The following CNTNAP5 variants were observed in gnomAD, a reference collection of about 807,000 sequenced individuals.
CNTNAP5 encodes contactin associated protein family member 5, also known as contactin-associated protein-like 5.
Under a neutral mutation model 150.2 loss-of-function variants are expected in CNTNAP5, and 72 were observed. The observed-to-expected ratio is 0.48, with a 90% CI of 0.40 to 0.58. The LOEUF is 0.58. CNTNAP5 is among the 20% of genes least tolerant of loss of function. The probability of loss-of-function intolerance (pLI) is 0.00; values close to 1 mark genes in which losing one functional copy is unlikely to be tolerated. For missense variants in CNTNAP5, 1,636 were observed against 1,626.2 expected, an observed-to-expected ratio of 1.01 and a Z score of -0.10; for synonymous variants, 672 against 619.8, an observed-to-expected ratio of 1.08 and a Z score of -1.25.
chr2:124,161,339 A>AGTGAG (rs1428207314), intron 1 of CNTNAP5, among the ~76,000 whole-genome samples: 2 of 152,080 alleles, frequency 1.3e-5, no homozygotes, highest in Non-Finnish European at 2.9e-5. Context: ...GGAGACTTGG[A>AGTGAG]GTGAGGTGAG....
chr2:124,222,597 G>A (rs1466607573), intron 2 of CNTNAP5, among the ~76,000 whole-genome samples: 3 of 152,060 alleles, frequency 2.0e-5, no homozygotes, highest in South Asian at 2.1e-4. Flanking sequence ...AGAGAGCTAC[G>A]GGTCTATTAG....
chr2:124,173,397 G>T (rs968883676), intron 1 of CNTNAP5, among the ~76,000 whole-genome samples: 2 of 152,222 alleles, frequency 1.3e-5, no homozygotes, highest in Admixed American at 1.3e-4. Flanking sequence ...TAGGCCTCTT[G>T]TACCAGTTAG....
At chr2:124,038,045 A>T (rs1375787927) in intron 1 of CNTNAP5, among the ~76,000 whole-genome samples, 1 of 152,284 alleles carries the variant, frequency 6.6e-6, no homozygotes, top group African/African-American at 2.4e-5. Context: ...TTCATCCCCA[A>T]ATCCAGACTG....
At chr2:124,515,086 G>C (rs1313504930) in intron 8 of CNTNAP5, among the ~76,000 whole-genome samples, 1 of 152,216 alleles carries the variant, frequency 6.6e-6, no homozygotes, top group Non-Finnish European at 1.5e-5. Context: ...CACTGATCAA[G>C]GCTTTTCAGG....
rs564622617 is a variant in CNTNAP5, at chr2:124,313,366, C to A, written c.381+70973C>A. Among the ~76,000 whole-genome samples, 7 of 152,272 alleles carry A rather than the reference C, an allele frequency of 4.6e-5. No homozygotes were observed. The East Asian group carries it at 1.2e-3, about 25-fold the overall frequency. ...AAAACTTCTAGAATCTCTGTTACTG[C>A]AATAGGAACTTGTTCAAGGCATAGT... is the stretch of plus-strand genomic sequence containing the variant. On this transcript the variant is annotated intron_variant, in intron 3 of 23. Coordinates refer to ENST00000682447, the MANE Select transcript of CNTNAP5 (RefSeq NM_001367498.1).
In CNTNAP5 at chr2:124,025,513, G is replaced by C; in HGVS notation, c.-138G>C. Reference sequence around the variant, plus strand: ...CGGTGGAGCGTCTGGGCACGGGATGGAGTGAAAGAGCGAGTGCCTCTCCAA... The same window carrying C: ...CGGTGGAGCGTCTGGGCACGGGATGCAGTGAAAGAGCGAGTGCCTCTCCAA... On this transcript the variant is annotated 5_prime_UTR_variant, in exon 1 of 24. Transcript: ENST00000682447. 1 of 690,866 alleles carries C rather than the reference G, an allele frequency of 1.4e-6. No individual in the cohort carries two copies. Among genetic ancestry groups the C allele is most frequent in the Non-Finnish European group, 2.6e-6 (1 of 387,932 alleles). The allele number at this position is 690,866 out of a possible 1,614,324, so 42.8% of individuals were successfully genotyped here.
At chr2:124,771,806 C>T (rs1199018639) in intron 16 of CNTNAP5, among the ~76,000 whole-genome samples, 1 of 151,656 alleles carries the variant, frequency 6.6e-6, no homozygotes, top group African/African-American at 2.4e-5. Context: ...ATTACCATCA[C>T]CATCGCCATC....
intron 13 of CNTNAP5, among the ~76,000 whole-genome samples, chr2:124,676,850 A>G (rs1678950257): frequency 6.6e-6 from 1 of 152,206 alleles, no homozygotes; most frequent in African/African-American, 2.4e-5. Context: ...TTTTCCAGAC[A>G]TTTGAAAAAG....
intron 14 of CNTNAP5, among the ~76,000 whole-genome samples, chr2:124,760,842 T>C (rs13432413): frequency 0.54 from 81,756 of 151,942 alleles, 22,625 homozygotes; most frequent in East Asian, 0.84. Context: ...TTCATTGTTT[T>C]GTATGCATTA....
intron 6 of CNTNAP5, among the ~76,000 whole-genome samples, chr2:124,447,454 C>A (rs1692849889): frequency 6.6e-6 from 1 of 152,150 alleles, no homozygotes; most frequent in Non-Finnish European, 1.5e-5. Flanking sequence ...CAGTTCAATG[C>A]AAAGAAGGCT....
intron 11 of CNTNAP5, among the ~76,000 whole-genome samples, chr2:124,592,625 C>A (rs1288974693): frequency 6.6e-6 from 1 of 152,040 alleles, no homozygotes; most frequent in Non-Finnish European, 1.5e-5. Flanking sequence ...TGACAACACT[C>A]CACTGCTAAG....
At chr2:124,813,375 C>A (rs1220114815) in intron 19 of CNTNAP5, among the ~76,000 whole-genome samples, 2 of 147,168 alleles carry the variant, frequency 1.4e-5, no homozygotes, top group East Asian at 1.9e-4. Context: ...CCGTGCCTGG[C>A]CTGTTTTTTT....
intron 16 of CNTNAP5, among the ~76,000 whole-genome samples, chr2:124,765,502 G>T (rs1869499): frequency 0.52 from 78,794 of 151,462 alleles, 21,070 homozygotes; most frequent in East Asian, 0.84. Context: ...ATTTTTAGAA[G>T]ACAATGGTAA....
At chr2:124,672,514 A>C (rs934512852) in intron 13 of CNTNAP5, among the ~76,000 whole-genome samples, 2 of 152,362 alleles carry the variant, frequency 1.3e-5, no homozygotes, top group Non-Finnish European at 2.9e-5. Flanking sequence ...CTACCTTGAC[A>C]GCATGTGCCT....
At chr2:124,320,597 C>G (rs1168313184) in intron 3 of CNTNAP5, among the ~76,000 whole-genome samples, 1 of 152,046 alleles carries the variant, frequency 6.6e-6, no homozygotes, top group Non-Finnish European at 1.5e-5. Context: ...CCTTTAACCC[C>G]TTCATCAAAC....
At chr2:124,870,100 C>T (rs746520130) in intron 21 of CNTNAP5, among the ~76,000 whole-genome samples, 29 of 151,508 alleles carry the variant, frequency 1.9e-4, no homozygotes, top group Middle Eastern at 6.8e-3. Context: ...TTGAGCAACT[C>T]AATAGTTCAT....
chr2:124,443,326 A>G (rs1045695184), intron 5 of CNTNAP5, among the ~76,000 whole-genome samples: 4 of 150,872 alleles, frequency 2.7e-5, no homozygotes, highest in Non-Finnish European at 5.9e-5. Context: ...ATGGAATACT[A>G]TGCAGCTATA....
At chr2:124,729,995 G>A (rs540093632) in intron 13 of CNTNAP5, among the ~76,000 whole-genome samples, 22 of 152,108 alleles carry the variant, frequency 1.4e-4, no homozygotes, top group Non-Finnish European at 2.1e-4. Context: ...TGTTAATGGT[G>A]TATCCTGATG....
At position 124,524,299 on chromosome 2, in the gene CNTNAP5, G is replaced by A; in HGVS notation, c.1328-4G>A. The stretch of plus-strand genomic sequence containing the variant: ...CTATGCTTACTCTCTTGTTTCTCTT[G>A]CAGGCAGCAACTTGAATGATGGCCT... On this transcript the variant is annotated splice_polypyrimidine_tract_variant and splice_region_variant and intron_variant, in intron 8 of 23. Coordinates refer to ENST00000682447, the MANE Select transcript of CNTNAP5 (RefSeq NM_001367498.1). 6.2e-7 allele frequency: 1 copy of A among 1,613,590 alleles called. No homozygotes were observed.
Sources: gnomAD v4.1 joint callset for allele counts (sites outside exome capture counted in the v4.1 genomes callset) on GRCh38, gnomAD v4.1.1 for gene constraint, MANE v1.5 for transcripts, NCBI Gene and HGNC (gene_info 2026-07-23, HGNC 2026-07-21) for gene names.